The following CLRN2 variants were observed in gnomAD, a reference collection of about 807,000 sequenced individuals.
CLRN2 encodes clarin-2.
In CLRN2, 17 loss-of-function variants were observed where a neutral mutation model predicts 20.1. The ratio of observed to expected loss-of-function variants is 0.85; its 90% CI spans 0.58 to 1.27. The LOEUF is 1.27. Among genes scored for constraint, CLRN2 ranks in the 50% most tolerant of loss-of-function variants. The probability of loss-of-function intolerance (pLI) is 0.00; values close to 1 mark genes in which losing one functional copy is unlikely to be tolerated. For synonymous variants in CLRN2, 140 were observed against 126.9 expected, an observed-to-expected ratio of 1.10 and a Z score of -0.70; for missense variants, 288 against 299.5, an observed-to-expected ratio of 0.96 and a Z score of 0.28.
At chr4:17,525,485 C>A (rs905176529) in intron 2 of CLRN2, among the ~76,000 whole-genome samples, 16 of 151,804 alleles carry the variant, frequency 1.1e-4, no homozygotes, top group Non-Finnish European at 1.6e-4. Flanking sequence ...ACAAACAAAC[C>A]AACAAAAATC....
Position 17,526,851 on chromosome 4 carries a change from G to A in CLRN2, c.468G>A (p.Val156=), listed in dbSNP as rs749593584. Reference sequence around the variant, plus strand: ...TGGCGTTAGCCATCGCCAGCTTCGTGGCTGCGGTGAAATTTCACGACCTGA... The same window carrying A: ...TGGCGTTAGCCATCGCCAGCTTCGTAGCTGCGGTGAAATTTCACGACCTGA... The part of the protein sequence containing the change: ...GVVALAIASF[V]AAVKFHDLTE... Residue 156 remains valine (V), a synonymous_variant, in exon 3 of 3, where the codon GTG becomes GTA. Coordinates refer to ENST00000511148, the MANE Select transcript of CLRN2 (RefSeq NM_001079827.2). 6.2e-7 allele frequency: 1 copy of A among 1,614,014 alleles called. No individual in the cohort carries two copies. Among genetic ancestry groups the A allele is most frequent in the South Asian group, 1.1e-5 (1 of 91,086 alleles).
At chr4:17,516,238 A>G (rs1551092) in intron 1 of CLRN2, among the ~76,000 whole-genome samples, 94,250 of 152,076 alleles carry the variant, frequency 0.62, 29,564 homozygotes, top group Middle Eastern at 0.74. Context: ...TTTGGCTGGC[A>G]TTCAGTGTAG....
At chr4:17,518,375 G>C (rs527304956) in intron 1 of CLRN2, among the ~76,000 whole-genome samples, 2 of 152,306 alleles carry the variant, frequency 1.3e-5, no homozygotes, top group Non-Finnish European at 2.9e-5. Flanking sequence ...CTTTAGCATT[G>C]TCCACACATT....
In CLRN2 at chr4:17,526,742, C is replaced by T. The variant is rs1050210329; in HGVS notation, c.434-75C>T. The T allele has an allele frequency of 1.0e-5, 16 of 1,556,486 alleles. No individual in the cohort carries two copies. The South Asian group carries it at 1.2e-4, about 11-fold the overall frequency. ...GTTAACCCAAAGCAAGTTTGTCACA[C>T]GTGGCACAGAAATGCCACCTCTTAC... On this transcript the variant is annotated intron_variant, in intron 2 of 2. Coordinates refer to ENST00000511148, the MANE Select transcript of CLRN2 (RefSeq NM_001079827.2).
intron 1 of CLRN2, among the ~76,000 whole-genome samples, chr4:17,516,106 G>A (rs1276677456): frequency 1.3e-5 from 2 of 152,198 alleles, no homozygotes; most frequent in Non-Finnish European, 2.9e-5. Flanking sequence ...ATGCAAAGGG[G>A]CACTGTGCTT....
Position 17,515,476 on chromosome 4 carries a change from A to G in CLRN2, c.210A>G (p.Lys70=), listed in dbSNP as rs1551091. 1 allele frequency: 1,608,263 copies of G among 1,613,992 alleles called. 801,442 individuals carry two copies. Among genetic ancestry groups the G allele is most frequent in the East Asian group, 1 (44,874 of 44,874 alleles). Residue 70 remains lysine, a synonymous_variant, in exon 1 of 3, where the codon AAA becomes AAG. Transcript: ENST00000511148. ...ACTACGGGCTCTTCCGAGGGTGTAAAGTGCGGCAGTGTGGGCTTGGGGGCC... is the reference window on the plus strand; with the variant it reads ...ACTACGGGCTCTTCCGAGGGTGTAAGGTGCGGCAGTGTGGGCTTGGGGGCC... ...DIYYGLFRGC[K]VRQCGLGGRQ...
chr4:17,522,301 G>A (rs2109002690), intron 1 of CLRN2, among the ~76,000 whole-genome samples: 1 of 152,232 alleles, frequency 6.6e-6, no homozygotes, highest in Non-Finnish European at 1.5e-5. Context: ...AAATATAACA[G>A]CAATAACCAC....
chr4:17,520,685 G>T (rs745919481), intron 1 of CLRN2, among the ~76,000 whole-genome samples: 4 of 152,140 alleles, frequency 2.6e-5, no homozygotes, highest in Non-Finnish European at 1.5e-5. Flanking sequence ...TATGTTAGTC[G>T]TGTGTCCTAA....
chr4:17,525,470 CACAA>C (rs1479450591), intron 2 of CLRN2, among the ~76,000 whole-genome samples: 2 of 151,880 alleles, frequency 1.3e-5, no homozygotes, highest in African/African-American at 4.8e-5. Context: ...ACCTCATCTC[CACAA>C]ACAAACAAAC....
intron 1 of CLRN2, among the ~76,000 whole-genome samples, chr4:17,518,997 T>G (rs1273210051): frequency 6.6e-6 from 1 of 152,206 alleles, no homozygotes; most frequent in Non-Finnish European, 1.5e-5. Context: ...CCTAATGTAA[T>G]AGATTGCTTT....
intron 1 of CLRN2, 95 bp downstream of exon 1, chr4:17,515,614 C>T (rs1711643836): frequency 7.1e-7 from 1 of 1,413,676 alleles, no homozygotes; most frequent in South Asian, 1.4e-5. Flanking sequence ...TGGCTGCTGC[C>T]TCAACGTCAG....
intron 1 of CLRN2, among the ~76,000 whole-genome samples, chr4:17,515,960 A>G (rs980871236): frequency 6.6e-6 from 1 of 152,176 alleles, no homozygotes; most frequent in Non-Finnish European, 1.5e-5. Flanking sequence ...CCAGCCAGGA[A>G]ACAGTAGAGC....
chr4:17,516,374 T>C (rs1711673135), intron 1 of CLRN2, among the ~76,000 whole-genome samples: 1 of 152,008 alleles, frequency 6.6e-6, no homozygotes, highest in Non-Finnish European at 1.5e-5. Context: ...TTTGAATCGA[T>C]GAGATCACTG....
At chr4:17,522,538 G>T (rs1469927682) in intron 1 of CLRN2, among the ~76,000 whole-genome samples, 1 of 152,172 alleles carries the variant, frequency 6.6e-6, no homozygotes, top group African/African-American at 2.4e-5. Flanking sequence ...ATAAGCCAGG[G>T]TCTACCTTGC....
At chr4:17,525,269 CTGT>C (rs1711945087) in intron 2 of CLRN2, among the ~76,000 whole-genome samples, 1 of 152,130 alleles carries the variant, frequency 6.6e-6, no homozygotes, top group Non-Finnish European at 1.5e-5. Context: ...TTAGTAGAGA[CTGT>C]TTAGTCTCTA....
In CLRN2 at chr4:17,523,024, C is replaced by A; in HGVS notation, c.414C>A (p.Cys138Ter). 6.2e-7 allele frequency: 1 copy of A among 1,612,658 alleles called. No homozygotes were observed. Among genetic ancestry groups the A allele is most frequent in the Non-Finnish European group, 8.5e-7 (1 of 1,179,520 alleles). ...CAGTCAGCGGTCCTGGGGGCATCTGCCTATGGAATGTCCTGGCAGGTAAGA... is the reference window on the plus strand; with the variant it reads ...CAGTCAGCGGTCCTGGGGGCATCTGACTATGGAATGTCCTGGCAGGTAAGA... ...YRAVSGPGGI[C>*]LWNVLAGGVV... Residue 138 changes from cysteine (C) to a stop codon, truncating the protein, a stop_gained, in exon 2 of 3, where the codon TGC (cysteine) becomes TGA (stop). Transcript: ENST00000511148. LOFTEE classifies it high-confidence loss of function.
chr4:17,520,787 C>T (rs112644358), intron 1 of CLRN2, among the ~76,000 whole-genome samples: 11 of 152,126 alleles, frequency 7.2e-5, no homozygotes, highest in South Asian at 2.1e-4. Context: ...AATCCCAGCA[C>T]GGGCAGATCA....
intron 1 of CLRN2, among the ~76,000 whole-genome samples, chr4:17,518,338 G>A (rs1437459508): frequency 3.9e-5 from 6 of 152,170 alleles, no homozygotes; most frequent in Admixed American, 3.9e-4. Flanking sequence ...TGTTTGGGTG[G>A]CTAGAGAAAG....
At chr4:17,525,807 C>T (rs956148231) in intron 2 of CLRN2, among the ~76,000 whole-genome samples, 6 of 152,006 alleles carry the variant, frequency 3.9e-5, no homozygotes, top group Non-Finnish European at 8.8e-5. Flanking sequence ...TAAAGAAAAA[C>T]ACTAAAATGT....
Sources: gnomAD v4.1 joint callset for allele counts (sites outside exome capture counted in the v4.1 genomes callset) on GRCh38, gnomAD v4.1.1 for gene constraint, MANE v1.5 for transcripts, NCBI Gene and HGNC (gene_info 2026-07-23, HGNC 2026-07-21) for gene names.